Variants in MOB3B observed in about 807,000 individuals in gnomAD.
The protein encoded by MOB3B is MOB kinase activator-like 2B.
In MOB3B, 7 loss-of-function variants were observed where a neutral mutation model predicts 18.7. The observed-to-expected ratio is 0.37, with a 90% CI of 0.21 to 0.70. The LOEUF is 0.70. Ranked by LOEUF, MOB3B falls within the 30% of genes least tolerant of loss-of-function variation. The pLI is 0.52. For missense variants in MOB3B, 253 were observed against 281.3 expected, an observed-to-expected ratio of 0.90 and a Z score of 0.72; for synonymous variants, 111 against 99.9, an observed-to-expected ratio of 1.11 and a Z score of -0.66.
At chr9:27,513,475 A>T (rs80322424) in intron 1 of MOB3B, among the ~76,000 whole-genome samples, 4,933 of 152,278 alleles carry the variant, frequency 0.032, 105 homozygotes, top group Middle Eastern at 0.065. Context: ...CTGGTCTTAG[A>T]ATAAAACTGG....
rs147913295 is a variant in MOB3B, at chr9:27,496,631, T to C, written c.-199+32924A>G. ...TAAATATGAGGCATTCCATTTAAAA[T>C]AGGGAAACTGTAATTAGGTGTGTTT... On this transcript the variant is annotated intron_variant, in intron 1 of 3. Transcript: ENST00000262244. Among the ~76,000 whole-genome samples the C allele has an allele frequency of 2.0e-5, 3 of 152,316 alleles. No individual in the cohort carries two copies. The East Asian group carries it at 5.8e-4, about 29-fold the overall frequency.
chr9:27,462,906 T>A (rs1819316333), intron 1 of MOB3B, among the ~76,000 whole-genome samples: 1 of 152,158 alleles, frequency 6.6e-6, no homozygotes, highest in Non-Finnish European at 1.5e-5. Flanking sequence ...CAGTTTGAAT[T>A]TTCAAAAGAT....
chr9:27,364,365 C>T (rs1445825249), intron 2 of MOB3B, among the ~76,000 whole-genome samples: 2 of 146,186 alleles, frequency 1.4e-5, no homozygotes, highest in Non-Finnish European at 3.0e-5. Context: ...TTAAAAATCA[C>T]TATTCTTGAG....
chr9:27,460,118 T>C (rs181090128), intron 1 of MOB3B, among the ~76,000 whole-genome samples: 1 of 152,226 alleles, frequency 6.6e-6, no homozygotes, highest in Non-Finnish European at 1.5e-5. Flanking sequence ...CACAATTTGG[T>C]ATGTAGTTTT....
At chr9:27,335,427 C>G (rs747885842) in intron 3 of MOB3B, among the ~76,000 whole-genome samples, 4 of 152,162 alleles carry the variant, frequency 2.6e-5, no homozygotes, top group African/African-American at 9.7e-5. Flanking sequence ...CACATTGATT[C>G]GAAAGAGGCA....
intron 3 of MOB3B, among the ~76,000 whole-genome samples, chr9:27,356,715 T>C (rs1353383814): frequency 6.6e-6 from 1 of 152,206 alleles, no homozygotes; most frequent in Admixed American, 6.5e-5. Flanking sequence ...AACATGACTA[T>C]AGAAGAGAAC....
intron 2 of MOB3B, among the ~76,000 whole-genome samples, chr9:27,449,492 G>A (rs1822748782): frequency 1.3e-5 from 2 of 152,248 alleles, no homozygotes; most frequent in Middle Eastern, 3.4e-3. Flanking sequence ...ACAAACGAAT[G>A]GAAACTTAGA....
intron 2 of MOB3B, among the ~76,000 whole-genome samples, chr9:27,381,990 G>C (rs1821585715): frequency 6.6e-6 from 1 of 152,122 alleles, no homozygotes; most frequent in African/African-American, 2.4e-5. Context: ...TGATACGAGT[G>C]GGCATTCTCT....
intron 1 of MOB3B, among the ~76,000 whole-genome samples, chr9:27,494,578 G>A (rs901362509): frequency 1.3e-5 from 2 of 152,158 alleles, no homozygotes; most frequent in East Asian, 1.9e-4. Flanking sequence ...GCAGTGGCGC[G>A]ATCTTGGCTC....
chr9:27,346,608 A>G (rs1016983006), intron 3 of MOB3B, among the ~76,000 whole-genome samples: 1 of 152,352 alleles, frequency 6.6e-6, no homozygotes, highest in South Asian at 2.1e-4. Context: ...AAAAATATAT[A>G]TAGTTATTAC....
rs541614886 is a variant in MOB3B, at chr9:27,509,793, C to T, written c.-199+19762G>A. ...AGGCTGGAGTGCAGTGGCACAATCC[C>T]GGCTCACTGCAACCTCCACCTCCTG... On this transcript the variant is annotated intron_variant, in intron 1 of 3. Transcript: ENST00000262244. Among the ~76,000 whole-genome samples the T allele has an allele frequency of 9.7e-4, 147 of 152,144 alleles. 1 individual carries two copies. Among genetic ancestry groups the T allele is most frequent in the African/African-American group, 3.4e-3 (143 of 41,498 alleles).
At chr9:27,467,147 T>C (rs145862875) in intron 1 of MOB3B, among the ~76,000 whole-genome samples, 5 of 152,292 alleles carry the variant, frequency 3.3e-5, no homozygotes, top group East Asian at 1.9e-4. Flanking sequence ...TGAAATGAAA[T>C]TGAGTCAGAC....
intron 1 of MOB3B, among the ~76,000 whole-genome samples, chr9:27,529,106 A>T (rs1820489276): frequency 6.6e-6 from 1 of 152,098 alleles, no homozygotes; most frequent in African/African-American, 2.4e-5. Context: ...CAGGATCAGG[A>T]CGCCCAAGCG....
chr9:27,377,757 T>C (rs1035870044), intron 2 of MOB3B, among the ~76,000 whole-genome samples: 2 of 152,252 alleles, frequency 1.3e-5, no homozygotes, highest in Non-Finnish European at 2.9e-5. Flanking sequence ...AGCGAAATGT[T>C]CTCTAAGACT....
At chr9:27,400,013 T>G (rs1821854575) in intron 2 of MOB3B, among the ~76,000 whole-genome samples, 1 of 152,160 alleles carries the variant, frequency 6.6e-6, no homozygotes, top group South Asian at 2.1e-4. Context: ...CTGCCTTAAA[T>G]CAGGTACTTA....
intron 1 of MOB3B, among the ~76,000 whole-genome samples, chr9:27,527,179 G>A (rs1820449196): frequency 6.6e-6 from 1 of 152,080 alleles, no homozygotes; most frequent in Admixed American, 6.5e-5. Flanking sequence ...TTTCCTTAGC[G>A]GGGTAGGCCA....
intron 1 of MOB3B, among the ~76,000 whole-genome samples, chr9:27,516,375 C>T (rs991420421): frequency 2.0e-5 from 3 of 152,192 alleles, no homozygotes; most frequent in Non-Finnish European, 4.4e-5. Flanking sequence ...CACATACATG[C>T]CTGGCAGTAA....
At chr9:27,459,123 A>T (rs1296508516) in intron 1 of MOB3B, among the ~76,000 whole-genome samples, 3 of 152,102 alleles carry the variant, frequency 2.0e-5, no homozygotes, top group Non-Finnish European at 4.4e-5. Flanking sequence ...CCTGAGTGTG[A>T]GATGCCATAT....
At chr9:27,482,107 C>A (rs1406068474) in intron 1 of MOB3B, among the ~76,000 whole-genome samples, 2 of 152,078 alleles carry the variant, frequency 1.3e-5, no homozygotes, top group African/African-American at 4.8e-5. Context: ...AATAAAAAAA[C>A]AACTCTTTCA....
Sources: gnomAD v4.1 joint callset for allele counts (sites outside exome capture counted in the v4.1 genomes callset) on GRCh38, gnomAD v4.1.1 for gene constraint, MANE v1.5 for transcripts, NCBI Gene and HGNC (gene_info 2026-07-23, HGNC 2026-07-21) for gene names.